PRDM16: variants seen among roughly 807,000 people sequenced by gnomAD.
The protein encoded by PRDM16 is histone-lysine N-methyltransferase PRDM16.
In PRDM16, 23 loss-of-function variants were observed where a neutral mutation model predicts 110.6. That is an observed-to-expected ratio of 0.21 (90% confidence interval 0.15 to 0.29). The LOEUF is 0.29. PRDM16 is among the 10% of genes least tolerant of loss of function. The pLI is 1.00. For synonymous variants in PRDM16, 799 were observed against 781.8 expected (o/e 1.02, Z -0.37); for missense variants, 1,615 against 1,794.3 (o/e 0.90, Z 1.81).
chr1:3,131,599 A>T (rs571191135), intron 1 of PRDM16, among the ~76,000 whole-genome samples: 4 of 152,350 alleles, frequency 2.6e-5, no homozygotes, highest in African/African-American at 7.2e-5. Context: ...ATAATAATAA[A>T]AATAATGACA....
rs573283076 is a variant in PRDM16, at chr1:3,259,292, G to A, written c.438+15155G>A. On this transcript the variant is annotated intron_variant, in intron 3 of 16. Transcript: ENST00000270722. ...GGGATTCCCTCCAGGGGCTGCAGCTGGGGCTGGGGAGACATCGCCTGGGCC... is the reference window on the plus strand; with the variant it reads ...GGGATTCCCTCCAGGGGCTGCAGCTAGGGCTGGGGAGACATCGCCTGGGCC... 4.6e-5 allele frequency among the ~76,000 whole-genome samples: 7 copies of A among 152,362 alleles called. No individual in the cohort carries two copies. The East Asian group carries it at 1.4e-3, about 30-fold the overall frequency.
chr1:3,427,979 T>C (rs1638659479), intron 14 of PRDM16, among the ~76,000 whole-genome samples: 1 of 152,120 alleles, frequency 6.6e-6, no homozygotes, highest in Non-Finnish European at 1.5e-5. Context: ...AGGCCTTACC[T>C]ACGCCCCACA....
intron 3 of PRDM16, among the ~76,000 whole-genome samples, chr1:3,323,053 A>G (rs957809515): frequency 6.6e-6 from 1 of 152,160 alleles, no homozygotes; most frequent in Non-Finnish European, 1.5e-5. Flanking sequence ...ACACCCGAGC[A>G]CAGAGCAGCC....
intron 1 of PRDM16, among the ~76,000 whole-genome samples, chr1:3,125,547 G>C (rs541006566): frequency 1.3e-5 from 2 of 152,230 alleles, no homozygotes; most frequent in African/African-American, 4.8e-5. Flanking sequence ...CCTCTGGGGG[G>C]ACCGGCCCTG....
chr1:3,377,754 C>T (rs959924919), intron 3 of PRDM16, among the ~76,000 whole-genome samples: 7 of 152,224 alleles, frequency 4.6e-5, no homozygotes, highest in African/African-American at 7.2e-5. Flanking sequence ...CTGCTAAAGC[C>T]GGCCGTGTGG....
At chr1:3,132,457 C>T (rs999060691) in intron 1 of PRDM16, among the ~76,000 whole-genome samples, 3 of 152,154 alleles carry the variant, frequency 2.0e-5, no homozygotes, top group South Asian at 2.1e-4. Context: ...CACACATGGC[C>T]GGCCAGGCAG....
intron 1 of PRDM16, among the ~76,000 whole-genome samples, chr1:3,129,117 T>A (rs1643276569): frequency 6.6e-6 from 1 of 151,438 alleles, no homozygotes; most frequent in South Asian, 2.1e-4. Context: ...CATGGGTGAG[T>A]GTGCACGTGC....
chr1:3,366,250 G>A (rs546907364), intron 3 of PRDM16, among the ~76,000 whole-genome samples: 69 of 152,326 alleles, frequency 4.5e-4, no homozygotes, highest in Middle Eastern at 6.8e-3. Context: ...TGCGCTTGGC[G>A]GCCGCTCGCA....
intron 2 of PRDM16, among the ~76,000 whole-genome samples, chr1:3,192,495 T>G (rs968799073): frequency 2.6e-5 from 4 of 152,174 alleles, no homozygotes; most frequent in African/African-American, 9.7e-5. Context: ...ATGAGGGATG[T>G]GGGTTCAGGA....
intron 2 of PRDM16, among the ~76,000 whole-genome samples, chr1:3,221,386 C>CT (rs1397495632): frequency 6.6e-6 from 1 of 152,174 alleles, no homozygotes; most frequent in Non-Finnish European, 1.5e-5. Flanking sequence ...GTACGTGGGA[C>CT]TTTTTTCCAG....
intron 3 of PRDM16, among the ~76,000 whole-genome samples, chr1:3,269,131 C>T (rs1368416269): frequency 1.3e-5 from 2 of 152,244 alleles, no homozygotes; most frequent in African/African-American, 2.4e-5. Context: ...GGCTCCAGGC[C>T]AGAGAGCAAT....
At chr1:3,103,583 G>A (rs1267769584) in intron 1 of PRDM16, among the ~76,000 whole-genome samples, 1 of 152,210 alleles carries the variant, frequency 6.6e-6, no homozygotes, top group Non-Finnish European at 1.5e-5. Flanking sequence ...ACCAGCCCCT[G>A]AGGGGTGGTG....
intron 7 of PRDM16, among the ~76,000 whole-genome samples, chr1:3,405,272 T>C (rs980200629): frequency 1.3e-5 from 2 of 152,270 alleles, no homozygotes; most frequent in South Asian, 2.1e-4. Context: ...AGTTCAGGAA[T>C]TGTTCTTGAG....
intron 1 of PRDM16, among the ~76,000 whole-genome samples, chr1:3,173,427 T>C (rs1390073495): frequency 4.6e-5 from 7 of 152,194 alleles, no homozygotes; most frequent in Admixed American, 2.0e-4. Flanking sequence ...ATTGCACGGA[T>C]AAATAATCGT....
At chr1:3,270,123 C>G (rs1344797030) in intron 3 of PRDM16, among the ~76,000 whole-genome samples, 1 of 147,782 alleles carries the variant, frequency 6.8e-6, no homozygotes, top group African/African-American at 2.5e-5. Context: ...GAGAGGAGGA[C>G]AGTCGGGGAG....
intron 2 of PRDM16, among the ~76,000 whole-genome samples, chr1:3,219,102 C>T (rs1300872045): frequency 6.6e-6 from 1 of 152,206 alleles, no homozygotes; most frequent in African/African-American, 2.4e-5. Context: ...GTGAGGGGCA[C>T]CCCAGGGTGG....
intron 1 of PRDM16, among the ~76,000 whole-genome samples, chr1:3,155,974 T>C (rs1479667729): frequency 6.6e-6 from 1 of 152,232 alleles, no homozygotes; most frequent in East Asian, 1.9e-4. Context: ...CTTTTATTCA[T>C]GCATTTGTCA....
chr1:3,145,918 G>A (rs1643640208), intron 1 of PRDM16, among the ~76,000 whole-genome samples: 1 of 152,120 alleles, frequency 6.6e-6, no homozygotes, highest in East Asian at 1.9e-4. Context: ...CTGACGTCCT[G>A]GAGAGGTCCC....
At chr1:3,389,418 C>T (rs1179210997) in intron 4 of PRDM16, among the ~76,000 whole-genome samples, 1 of 152,228 alleles carries the variant, frequency 6.6e-6, no homozygotes, top group Non-Finnish European at 1.5e-5. Context: ...AAGAGCTATC[C>T]CTATGGCGTG....
Sources: gnomAD v4.1 joint callset for allele counts (sites outside exome capture counted in the v4.1 genomes callset) on GRCh38, gnomAD v4.1.1 for gene constraint, MANE v1.5 for transcripts, NCBI Gene and HGNC (gene_info 2026-07-23, HGNC 2026-07-21) for gene names.